HPSE2: variants seen among roughly 807,000 people sequenced by gnomAD.
HPSE2 encodes the protein inactive heparanase-2.
In HPSE2, 38 loss-of-function variants were observed where a neutral mutation model predicts 60.5. That is an observed-to-expected ratio of 0.63 (90% CI 0.48 to 0.82). The LOEUF (loss-of-function observed/expected upper bound fraction) is 0.82, where lower values mean the gene tolerates loss of function less well. Ranked by LOEUF, HPSE2 falls within the 40% of genes least tolerant of loss-of-function variation. The pLI, the probability that HPSE2 is intolerant of heterozygous loss-of-function variation, is 0.00. For synonymous variants in HPSE2, 295 were observed against 293.2 expected (o/e 1.01, Z -0.06); for missense variants, 713 against 740.4 (o/e 0.96, Z 0.43).
chr10:99,264,857 G>A, the HPSE2 span, among the ~76,000 whole-genome samples: 4 of 151,904 alleles, frequency 2.6e-5, no homozygotes, highest in Non-Finnish European at 4.4e-5. Context: ...TCCCACTGTA[G>A]GTTCCCACAC....
intron 3 of HPSE2, among the ~76,000 whole-genome samples, chr10:98,960,744 T>TTA (rs1564692915): frequency 5.2e-5 from 7 of 133,430 alleles, no homozygotes; most frequent in African/African-American, 1.4e-4. Context: ...TATTTTATTT[T>TTA]TTTTTTTATT....
intron 9 of HPSE2, among the ~76,000 whole-genome samples, chr10:98,520,483 G>A (rs1942753381): frequency 6.6e-6 from 1 of 152,098 alleles, no homozygotes; most frequent in Non-Finnish European, 1.5e-5. Context: ...TACTGTCTAT[G>A]CTTTCACAGG....
At chr10:99,102,674 A>G (rs539757282) in intron 3 of HPSE2, among the ~76,000 whole-genome samples, 2 of 152,286 alleles carry the variant, frequency 1.3e-5, no homozygotes, top group East Asian at 3.9e-4. Context: ...GCAGAGACAC[A>G]ACAAAAAAAG....
chr10:98,660,575 G>C (rs993107106), intron 6 of HPSE2, among the ~76,000 whole-genome samples: 2 of 152,182 alleles, frequency 1.3e-5, no homozygotes, highest in Admixed American at 6.5e-5. Flanking sequence ...TTGGCAAAGG[G>C]CTGGCAAGGG....
intron 3 of HPSE2, among the ~76,000 whole-genome samples, chr10:98,770,038 T>C (rs1475744204): frequency 6.6e-6 from 1 of 152,118 alleles, no homozygotes; most frequent in East Asian, 1.9e-4. Context: ...ACCACTGAAA[T>C]AGTAATAGGG....
intron 11 of HPSE2, among the ~76,000 whole-genome samples, chr10:98,466,665 C>T (rs917635680): frequency 6.6e-6 from 1 of 150,528 alleles, no homozygotes; most frequent in African/African-American, 2.4e-5. Context: ...ACCTTCAGAA[C>T]ATTTGCCTTC....
intron 2 of HPSE2, among the ~76,000 whole-genome samples, chr10:99,154,976 A>T (rs61883594): frequency 0.5 from 75,016 of 148,884 alleles, 20,758 homozygotes; most frequent in East Asian, 0.65. Context: ...AAACAGACTT[A>T]AAACCAACAA....
intron 11 of HPSE2, among the ~76,000 whole-genome samples, chr10:98,460,140 C>T (rs145035964): frequency 7.2e-5 from 11 of 152,278 alleles, no homozygotes; most frequent in Non-Finnish European, 1.6e-4. Flanking sequence ...AATATCAGCT[C>T]AGTTTGACTT....
At chr10:98,741,949 G>A (rs926265705) in intron 4 of HPSE2, among the ~76,000 whole-genome samples, 23 of 152,164 alleles carry the variant, frequency 1.5e-4, no homozygotes, top group Non-Finnish European at 3.2e-4. Flanking sequence ...GGTTAGGTGA[G>A]TGGTCATGAG....
intron 2 of HPSE2, 148 bp downstream of exon 2, chr10:99,232,200 C>A (rs867023333): frequency 5.5e-5 from 45 of 812,758 alleles, no homozygotes; most frequent in African/African-American, 2.1e-4. Context: ...TCTGCCCCAA[C>A]GCGCGCGCGC....
At chr10:99,255,274 T>C in the HPSE2 span, among the ~76,000 whole-genome samples, 1 of 152,174 alleles carries the variant, frequency 6.6e-6, no homozygotes, top group East Asian at 1.9e-4. Context: ...TGATTACTGG[T>C]GAATTCTAAC....
At chr10:98,695,268 A>G (rs1948182161) in intron 5 of HPSE2, among the ~76,000 whole-genome samples, 1 of 152,142 alleles carries the variant, frequency 6.6e-6, no homozygotes, top group African/African-American at 2.4e-5. Context: ...GAAGAGGAGG[A>G]GGAGGAGAAG....
At chr10:98,865,679 T>C (rs1952570129) in intron 3 of HPSE2, among the ~76,000 whole-genome samples, 2 of 152,034 alleles carry the variant, frequency 1.3e-5, no homozygotes, top group African/African-American at 4.8e-5. Flanking sequence ...AGCACATGAG[T>C]ATGAAGAAAC....
intron 9 of HPSE2, among the ~76,000 whole-genome samples, chr10:98,599,386 G>T (rs1484974576): frequency 6.6e-6 from 1 of 152,132 alleles, no homozygotes; most frequent in African/African-American, 2.4e-5. Context: ...GTCTGCTGGG[G>T]CTGGCCTGAC....
intron 3 of HPSE2, among the ~76,000 whole-genome samples, chr10:98,805,965 G>A (rs1245454719): frequency 6.6e-6 from 1 of 152,150 alleles, no homozygotes. Context: ...TATAGAGAAT[G>A]TAAGAAATTA....
At chr10:98,525,638 G>C (rs571960858) in intron 9 of HPSE2, among the ~76,000 whole-genome samples, 2 of 152,318 alleles carry the variant, frequency 1.3e-5, no homozygotes, top group Non-Finnish European at 2.9e-5. Context: ...ACAAATTCTA[G>C]AGAAAGCAAA....
At chr10:99,223,495 T>C (rs1849377869) in intron 2 of HPSE2, among the ~76,000 whole-genome samples, 1 of 152,140 alleles carries the variant, frequency 6.6e-6, no homozygotes, top group African/African-American at 2.4e-5. Flanking sequence ...AACCCCTAAT[T>C]CCTTCAACAC....
the HPSE2 span, among the ~76,000 whole-genome samples, chr10:99,313,864 T>G: frequency 6.6e-6 from 1 of 151,960 alleles, no homozygotes; most frequent in African/African-American, 2.4e-5. Flanking sequence ...CCTCCCAAAG[T>G]GCTGGATTAC....
intron 9 of HPSE2, among the ~76,000 whole-genome samples, chr10:98,504,999 G>C (rs1942154100): frequency 6.6e-6 from 1 of 152,052 alleles, no homozygotes; most frequent in Non-Finnish European, 1.5e-5. Flanking sequence ...ATGCTTCTAA[G>C]ATTCATCCAG....
Sources: gnomAD v4.1 joint callset for allele counts (sites outside exome capture counted in the v4.1 genomes callset) on GRCh38, gnomAD v4.1.1 for gene constraint, MANE v1.5 for transcripts, NCBI Gene and HGNC (gene_info 2026-07-23, HGNC 2026-07-21) for gene names.